Variants in FRMD3 observed in about 807,000 individuals in gnomAD.
FRMD3 encodes the protein FERM domain-containing protein 3.
A neutral mutation model predicts 70.2 loss-of-function variants in FRMD3; 33 were observed. The observed-to-expected ratio is 0.47, with a 90% CI of 0.36 to 0.63. The LOEUF (loss-of-function observed/expected upper bound fraction) is 0.63. Ranked by LOEUF, FRMD3 falls within the 20% of genes least tolerant of loss-of-function variation. FRMD3 has a pLI of 0.00. For synonymous variants in FRMD3, 279 were observed against 255.9 expected, an observed-to-expected ratio of 1.09 and a Z score of -0.86; for missense variants, 632 against 711.4, an observed-to-expected ratio of 0.89 and a Z score of 1.27.
chr9:83,262,641 C>T (rs545727301), intron 13 of FRMD3, among the ~76,000 whole-genome samples: 9 of 152,150 alleles, frequency 5.9e-5, no homozygotes, highest in East Asian at 1.9e-4. Context: ...CTACCACATA[C>T]GCTTCCTCCC....
chr9:83,373,642 C>CTTTGTGCTGT (rs11271909), intron 2 of FRMD3, among the ~76,000 whole-genome samples: 3 of 151,418 alleles, frequency 2.0e-5, no homozygotes, highest in African/African-American at 4.9e-5. Context: ...ACAGCACATA[C>CTTTGTGCTGT]AAAGATCACT....
At chr9:83,326,083 G>T (rs1311474285) in intron 6 of FRMD3, among the ~76,000 whole-genome samples, 1 of 152,038 alleles carries the variant, frequency 6.6e-6, no homozygotes, top group African/African-American at 2.4e-5. Context: ...CCCTGATCTG[G>T]GTCCAGAACA....
chr9:83,437,232 T>C (rs1476802566), intron 1 of FRMD3, among the ~76,000 whole-genome samples: 1 of 152,216 alleles, frequency 6.6e-6, no homozygotes, highest in Non-Finnish European at 1.5e-5. Context: ...ATTGGTAAGT[T>C]GCAAATAATT....
intron 13 of FRMD3, among the ~76,000 whole-genome samples, chr9:83,289,688 T>A (rs1403218020): frequency 1.3e-5 from 2 of 152,210 alleles, no homozygotes; most frequent in Non-Finnish European, 2.9e-5. Flanking sequence ...CTGCCCAGTA[T>A]CCAGATTTTC....
chr9:83,534,501 G>A (rs1214237067), intron 1 of FRMD3, among the ~76,000 whole-genome samples: 3 of 152,172 alleles, frequency 2.0e-5, no homozygotes, highest in South Asian at 4.1e-4. Context: ...GGGGTGGGGA[G>A]GTAACAAGGA....
At chr9:83,308,053 A>C (rs1835206193) in intron 10 of FRMD3, among the ~76,000 whole-genome samples, 1 of 152,166 alleles carries the variant, frequency 6.6e-6, no homozygotes, top group African/African-American at 2.4e-5. Context: ...ACTGGTACAC[A>C]TCACCTTCTC....
intron 1 of FRMD3, among the ~76,000 whole-genome samples, chr9:83,505,718 T>C (rs1261866855): frequency 6.6e-6 from 1 of 152,194 alleles, no homozygotes; most frequent in African/African-American, 2.4e-5. Flanking sequence ...CAAGCACAGT[T>C]TTCCCTTCTA....
chr9:83,464,145 G>C (rs1828052605), intron 1 of FRMD3, among the ~76,000 whole-genome samples: 1 of 152,200 alleles, frequency 6.6e-6, no homozygotes, highest in African/African-American at 2.4e-5. Flanking sequence ...ACCACTCTTT[G>C]AACTTCATAT....
chr9:83,463,289 T>G (rs1345184899), intron 1 of FRMD3, among the ~76,000 whole-genome samples: 1 of 152,186 alleles, frequency 6.6e-6, no homozygotes, highest in Non-Finnish European at 1.5e-5. Context: ...ATTGTATTAG[T>G]CTATTCTCAT....
chr9:83,357,270 T>TA lies in FRMD3; in HGVS notation c.296-7514dup, dbSNP rs1564032820. ...ACATATATATATATATATATATATA[T>TA]ATATATATATATATATATATATATA... On this transcript the variant is annotated intron_variant, in intron 3 of 13. Coordinates refer to ENST00000304195, the MANE Select transcript of FRMD3 (RefSeq NM_174938.6). Among the ~76,000 whole-genome samples the TA allele has an allele frequency of 3.7e-4, 24 of 64,496 alleles. 1 individual carries two copies. Among genetic ancestry groups the TA allele is most frequent in the African/African-American group, 2.0e-3 (22 of 11,066 alleles). 42.3% of individuals were successfully genotyped at this position (64,496 alleles called of 152,430 possible).
intron 1 of FRMD3, among the ~76,000 whole-genome samples, chr9:83,473,986 G>A (rs1340089488): frequency 3.9e-5 from 6 of 152,206 alleles, no homozygotes; most frequent in Non-Finnish European, 8.8e-5. Context: ...TAGAGGTTGT[G>A]ACTGAGGAGA....
chr9:83,267,883 G>A (rs1255965734), intron 13 of FRMD3, among the ~76,000 whole-genome samples: 1 of 152,134 alleles, frequency 6.6e-6, no homozygotes, highest in Non-Finnish European at 1.5e-5. Context: ...TTGCTGTCAT[G>A]GTAATCTCAG....
chr9:83,448,380 T>A (rs1357054695), intron 1 of FRMD3, among the ~76,000 whole-genome samples: 1 of 152,138 alleles, frequency 6.6e-6, no homozygotes, highest in Non-Finnish European at 1.5e-5. Context: ...CATACAGCTA[T>A]GATTCCATGA....
chr9:83,585,737 A>C, the FRMD3 span, among the ~76,000 whole-genome samples: 1 of 152,248 alleles, frequency 6.6e-6, no homozygotes, highest in Admixed American at 6.5e-5. Context: ...GTTAGAAATA[A>C]ACTTCCAACT....
intron 1 of FRMD3, among the ~76,000 whole-genome samples, chr9:83,515,419 G>GA (rs1196339527): frequency 1.3e-5 from 2 of 152,102 alleles, no homozygotes; most frequent in Non-Finnish European, 2.9e-5. Context: ...CAAGATTAGA[G>GA]AAAAAAGAAT....
At chr9:83,304,529 G>T (rs180765417) in intron 10 of FRMD3, among the ~76,000 whole-genome samples, 33 of 152,292 alleles carry the variant, frequency 2.2e-4, no homozygotes, top group African/African-American at 7.9e-4. Context: ...GCTAGTCTGG[G>T]TTCTTACCTA....
At chr9:83,287,017 G>A (rs985044253) in intron 13 of FRMD3, among the ~76,000 whole-genome samples, 6 of 152,162 alleles carry the variant, frequency 3.9e-5, no homozygotes, top group Non-Finnish European at 1.5e-5. Context: ...GGAATCCACA[G>A]GCTGTGTCCC....
the FRMD3 span, among the ~76,000 whole-genome samples, chr9:83,552,871 T>C: frequency 2.0e-5 from 3 of 152,172 alleles, no homozygotes; most frequent in African/African-American, 7.2e-5. Context: ...AGTGTCATTT[T>C]GGGTGAGATG....
intron 6 of FRMD3, among the ~76,000 whole-genome samples, chr9:83,315,052 GTTT>G (rs147950545): frequency 2.7e-5 from 4 of 149,062 alleles, no homozygotes; most frequent in Non-Finnish European, 4.5e-5. Flanking sequence ...TCATTGATAT[GTTT>G]TTTTTTTAAA....
Sources: allele counts gnomAD v4.1 joint callset (sites outside exome capture counted in the v4.1 genomes callset), GRCh38; gene constraint gnomAD v4.1.1; transcripts MANE v1.5; gene names NCBI Gene and HGNC (gene_info 2026-07-23, HGNC 2026-07-21).